CBFA2T3: variants seen among roughly 807,000 people sequenced by gnomAD.
CBFA2T3 encodes CBFA2/RUNX1 partner transcriptional co-repressor 3, also known as transcriptional corepressor CBFA2T3.
Under a neutral mutation model 58.6 loss-of-function variants are expected in CBFA2T3, and 31 were observed. The observed-to-expected ratio is 0.53, with a 90% CI of 0.40 to 0.71. CBFA2T3 has a LOEUF of 0.71. Ranked by LOEUF, CBFA2T3 falls within the 30% of genes least tolerant of loss-of-function variation. CBFA2T3 has a pLI of 0.00. For missense variants in CBFA2T3, 1,076 were observed against 963.1 expected, an observed-to-expected ratio of 1.12 and a Z score of -1.55; for synonymous variants, 531 against 421.9, an observed-to-expected ratio of 1.26 and a Z score of -3.17.
intron 1 of CBFA2T3, among the ~76,000 whole-genome samples, chr16:88,919,680 G>A (rs1394945789): frequency 3.9e-5 from 6 of 152,154 alleles, no homozygotes; most frequent in African/African-American, 7.2e-5. Flanking sequence ...CCCCGGGCGG[G>A]ACCCCAGTTA....
At chr16:88,898,539 G>A (rs1299623803) in intron 2 of CBFA2T3, among the ~76,000 whole-genome samples, 2 of 152,224 alleles carry the variant, frequency 1.3e-5, no homozygotes, top group Non-Finnish European at 2.9e-5. Flanking sequence ...CAAGAACCGC[G>A]GCTTCTCTAT....
chr16:88,903,561 A>G (rs865102), intron 1 of CBFA2T3, among the ~76,000 whole-genome samples: 55,403 of 151,634 alleles, frequency 0.37, 10,742 homozygotes, highest in African/African-American at 0.48. Context: ...TGTGGGGGCC[A>G]TCAACACCGC....
intron 3 of CBFA2T3, among the ~76,000 whole-genome samples, chr16:88,893,111 C>G (rs1397374474): frequency 6.6e-6 from 1 of 152,138 alleles, no homozygotes; most frequent in Non-Finnish European, 1.5e-5. Flanking sequence ...GGCCAGCTAC[C>G]ATCACCTCTG....
intron 1 of CBFA2T3, among the ~76,000 whole-genome samples, chr16:88,919,723 C>T: frequency 6.6e-6 from 1 of 152,186 alleles, no homozygotes; most frequent in Non-Finnish European, 1.5e-5. Context: ...TGCATGTTTA[C>T]TCTAAAAAGA....
In CBFA2T3 at chr16:88,950,455, C is replaced by T. The variant is rs748062865; in HGVS notation, c.151+26202G>A. On this transcript the variant is annotated intron_variant, in intron 1 of 11. Transcript: ENST00000268679. Reference sequence around the variant, plus strand: ...GGTCAGAGTGTTGGCACCTGTCTTCCGGATCTGTTCACCCCTCCCCCGGAC... The same window carrying T: ...GGTCAGAGTGTTGGCACCTGTCTTCTGGATCTGTTCACCCCTCCCCCGGAC... 49 of 417,900 alleles carry T rather than the reference C, an allele frequency of 1.2e-4. 4 individuals carry two copies. The Middle Eastern group carries it at 0.012, about 102-fold the overall frequency. 25.9% of individuals were successfully genotyped at this position (417,900 alleles called of 1,614,324 possible). A position where few individuals can be genotyped will look rare whatever the true frequency, so the allele number is the denominator to read the frequency against.
intron 1 of CBFA2T3, among the ~76,000 whole-genome samples, chr16:88,929,898 A>G (rs75461001): frequency 6.9e-6 from 1 of 144,724 alleles, no homozygotes; most frequent in South Asian, 2.1e-4. Context: ...AGTCACCAAT[A>G]CCCACAGCTG....
intron 8 of CBFA2T3, 35 bp from the exon 9 acceptor site, chr16:88,881,524 A>G: frequency 3.8e-6 from 6 of 1,583,112 alleles, no homozygotes; most frequent in African/African-American, 1.3e-5. Flanking sequence ...AGCACCTCAG[A>G]GGGACCGGGA....
Position 88,875,943 on chromosome 16 carries a change from G to C in CBFA2T3, c.*1033C>G, listed in dbSNP as rs1279140194. ...CACGGACCACGCACACGCGGCGGAC[G>C]CACCAACGCCTACGCAGAAGAGAAC... On this transcript the variant is annotated 3_prime_UTR_variant, in exon 12 of 12. Coordinates refer to ENST00000268679, the MANE Select transcript of CBFA2T3 (RefSeq NM_005187.6). 4.3e-6 allele frequency: 1 copy of C among 232,930 alleles called. No individual in the cohort carries two copies. The highest frequency in any genetic ancestry group is 8.5e-6 in the Non-Finnish European group (1 of 117,802). The allele number at this position is 232,930 out of a possible 1,614,324, so 14.4% of individuals were successfully genotyped here.
At chr16:88,900,164 C>A (rs371773408) in intron 2 of CBFA2T3, among the ~76,000 whole-genome samples, 1 of 152,244 alleles carries the variant, frequency 6.6e-6, no homozygotes, top group South Asian at 2.1e-4. Flanking sequence ...GGGCCGGCCC[C>A]GCGGGTGCAG....
At chr16:88,910,961 C>T (rs1216353147) in intron 1 of CBFA2T3, among the ~76,000 whole-genome samples, 7 of 131,316 alleles carry the variant, frequency 5.3e-5, no homozygotes, top group South Asian at 2.1e-4. Flanking sequence ...GAGCCTCAGG[C>T]GCTGCCCTGC....
At chr16:88,903,848 C>A (rs1031256766) in intron 1 of CBFA2T3, among the ~76,000 whole-genome samples, 1 of 152,204 alleles carries the variant, frequency 6.6e-6, no homozygotes, top group East Asian at 1.9e-4. Context: ...ACTGGGGATG[C>A]CCCCTGTTTG....
chr16:88,960,523 G>A (rs1972331441), intron 1 of CBFA2T3, among the ~76,000 whole-genome samples: 2 of 152,236 alleles, frequency 1.3e-5, no homozygotes, highest in Non-Finnish European at 1.5e-5. Flanking sequence ...GGCTGAGTGA[G>A]GCCTCCACAA....
intron 10 of CBFA2T3, among the ~76,000 whole-genome samples, chr16:88,880,482 C>T (rs550577221): frequency 6.6e-6 from 1 of 152,266 alleles, no homozygotes; most frequent in South Asian, 2.1e-4. Flanking sequence ...CCAGGACCCA[C>T]TTTATTCTGC....
At chr16:88,928,226 C>A (rs2142757678) in intron 1 of CBFA2T3, among the ~76,000 whole-genome samples, 1 of 152,354 alleles carries the variant, frequency 6.6e-6, no homozygotes, top group African/African-American at 2.4e-5. Context: ...AGCACTGGGG[C>A]CCGGGGCAGC....
In CBFA2T3 at chr16:88,976,641, C is replaced by T; in HGVS notation, c.151+16G>A. 1 of 1,543,264 alleles carries T rather than the reference C, an allele frequency of 6.5e-7. No homozygotes were observed. Among genetic ancestry groups the T allele is most frequent in the Non-Finnish European group, 8.8e-7 (1 of 1,139,670 alleles). ...TCTCTGCCCCCACCCCACCACCTTC[C>T]CCTCGAGCCTCTTACCTGGGCCGCC... On this transcript the variant is annotated intron_variant, in intron 1 of 11. Coordinates refer to ENST00000268679, the MANE Select transcript of CBFA2T3 (RefSeq NM_005187.6).
At chr16:88,945,549 T>C (rs1010051165) in intron 1 of CBFA2T3, among the ~76,000 whole-genome samples, 1 of 152,232 alleles carries the variant, frequency 6.6e-6, no homozygotes, top group African/African-American at 2.4e-5. Flanking sequence ...GAAGATGATC[T>C]GGCAAATAAG....
At position 88,885,021 on chromosome 16, in the gene CBFA2T3, G is replaced by T; in HGVS notation, c.1117+25C>A. 1 of 1,550,486 alleles carries T rather than the reference G, an allele frequency of 6.4e-7. No homozygotes were observed. The highest frequency in any genetic ancestry group is 1.4e-5 in the African/African-American group (1 of 73,960). On this transcript the variant is annotated intron_variant, in intron 7 of 11. Transcript: ENST00000268679. This position sits in a 1 kb window ranked among gnomAD's most constrained non-coding sequence, Gnocchi z 5.3. ...GTGTGCTCCTGTAACACGCGTCCAC[G>T]CTCCCGCCCCACCGGGCTGCTCACC... is the stretch of plus-strand genomic sequence containing the variant.
chr16:88,943,039 G>A (rs932421836), intron 1 of CBFA2T3, among the ~76,000 whole-genome samples: 1 of 150,884 alleles, frequency 6.6e-6, no homozygotes, highest in Non-Finnish European at 1.5e-5. Context: ...GAGGCACAGT[G>A]GATTTTAAGA....
chr16:88,901,806 TC>T, intron 1 of CBFA2T3, 150 bp from the exon 2 acceptor site: 2 of 638,620 alleles, frequency 3.1e-6, no homozygotes, highest in Non-Finnish European at 5.0e-6. Context: ...GTGGCTGACG[TC>T]CCACGTGCAG....
Sources: gnomAD v4.1 joint callset for allele counts (sites outside exome capture counted in the v4.1 genomes callset) on GRCh38, gnomAD v4.1.1 for gene constraint, Gnocchi (gnomAD v3.1) non-coding constraint, MANE v1.5 for transcripts, NCBI Gene and HGNC (gene_info 2026-07-23, HGNC 2026-07-21) for gene names.